The following FANK1 variants were observed in gnomAD, a reference collection of about 807,000 sequenced individuals.
FANK1 encodes fibronectin type III and ankyrin repeat domains 1, also known as fibronectin type 3 and ankyrin repeat domains protein 1.
A neutral mutation model predicts 45.3 loss-of-function variants in FANK1; 44 were observed. The observed-to-expected ratio is 0.97, with a 90% CI of 0.76 to 1.25. The LOEUF (loss-of-function observed/expected upper bound fraction) is 1.25. FANK1 is among the 50% of genes most tolerant of loss of function. The probability of loss-of-function intolerance (pLI) is 0.00; values close to 1 mark genes in which losing one functional copy is unlikely to be tolerated. For missense variants in FANK1, 391 were observed against 424.4 expected, an observed-to-expected ratio of 0.92 and a Z score of 0.69; for synonymous variants, 149 against 152.5, an observed-to-expected ratio of 0.98 and a Z score of 0.17.
chr10:125,938,182 C>A (rs1229699142), intron 1 of FANK1, among the ~76,000 whole-genome samples: 1 of 152,026 alleles, frequency 6.6e-6, no homozygotes, highest in African/African-American at 2.4e-5. Flanking sequence ...TATATCGATG[C>A]TTTTGGAAAA....
intron 1 of FANK1, among the ~76,000 whole-genome samples, chr10:125,927,538 G>A (rs1379645050): frequency 6.6e-6 from 1 of 151,804 alleles, no homozygotes; most frequent in Non-Finnish European, 1.5e-5. Flanking sequence ...TCCATTATGA[G>A]TAATGCCATT....
chr10:125,958,824 T>C (rs534173970), intron 1 of FANK1, among the ~76,000 whole-genome samples: 72 of 152,300 alleles, frequency 4.7e-4, no homozygotes, highest in Non-Finnish European at 7.9e-4. Context: ...ATATTTAAGT[T>C]GCATAGTTTG....
chr10:125,969,272 A>G (rs982379780), intron 1 of FANK1, among the ~76,000 whole-genome samples: 1 of 152,106 alleles, frequency 6.6e-6, no homozygotes, highest in African/African-American at 2.4e-5. Flanking sequence ...CAAAATCTTT[A>G]GAAAAGTTAA....
intron 1 of FANK1, among the ~76,000 whole-genome samples, chr10:125,923,429 C>T (rs915992088): frequency 6.6e-6 from 1 of 151,802 alleles, no homozygotes; most frequent in Non-Finnish European, 1.5e-5. Flanking sequence ...CCACTGCACT[C>T]CAGCCTGGGC....
At chr10:125,987,826 C>T (rs781137837) in intron 2 of FANK1, among the ~76,000 whole-genome samples, 36 of 151,484 alleles carry the variant, frequency 2.4e-4, no homozygotes, top group Non-Finnish European at 5.3e-4. Flanking sequence ...CGCTAGGTCC[C>T]AGCATCTTCT....
chr10:125,994,872 C>A, intron 3 of FANK1: 1 of 985,392 alleles, frequency 1.0e-6, no homozygotes, highest in Non-Finnish European at 1.2e-6. Flanking sequence ...AGCTCTCTCC[C>A]CTAATTGGCT....
At chr10:125,961,932 G>C (rs146389776) in intron 1 of FANK1, among the ~76,000 whole-genome samples, 1 of 152,140 alleles carries the variant, frequency 6.6e-6, no homozygotes, top group Non-Finnish European at 1.5e-5. Flanking sequence ...TGATAGAGCA[G>C]AAGCTTGCCT....
At chr10:125,951,150 G>A (rs955005033) in intron 1 of FANK1, among the ~76,000 whole-genome samples, 1 of 148,832 alleles carries the variant, frequency 6.7e-6, no homozygotes, top group African/African-American at 2.5e-5. Flanking sequence ...GCTAGATGAC[G>A]AGTTAGTGGG....
chr10:125,988,673 C>T lies in FANK1; in HGVS notation c.314C>T (p.Thr105Ile). ...AGCCCACTCGTCTCAGTGTCTACAA[C>T]CAGTGAGTATTCAGACCGTCCACAC... ...EYSPLVSVST[T>I]REPISSEHLH... Residue 105 changes from threonine (T) to isoleucine (I), a missense_variant and splice_region_variant, in exon 3 of 11, where the codon ACC (threonine) becomes ATC (isoleucine). Transcript: ENST00000368693. The T allele has an allele frequency of 1.9e-6, 3 of 1,614,178 alleles. No individual in the cohort carries two copies. Among genetic ancestry groups the T allele is most frequent in the Non-Finnish European group, 2.5e-6 (3 of 1,180,026 alleles).
chr10:125,938,880 A>G lies in FANK1; in HGVS notation c.14-41281A>G, dbSNP rs73368644. 4.8e-3 allele frequency among the ~76,000 whole-genome samples: 724 copies of G among 152,270 alleles called. 8 individuals are homozygous for G. The highest frequency in any genetic ancestry group is 0.016 in the African/African-American group (657 of 41,540). Reference sequence around the variant, plus strand: ...ACAGAACCAGCTTGAAGGGTCTCCCACTAGCCAAATTTGGAAGCATTTGAG... The same window carrying G: ...ACAGAACCAGCTTGAAGGGTCTCCCGCTAGCCAAATTTGGAAGCATTTGAG... On this transcript the variant is annotated intron_variant, in intron 1 of 10. Transcript: ENST00000368693.
intron 2 of FANK1, among the ~76,000 whole-genome samples, chr10:125,982,751 G>C (rs946890876): frequency 6.6e-6 from 1 of 152,138 alleles, no homozygotes; most frequent in Non-Finnish European, 1.5e-5. Flanking sequence ...CTCATAGCCA[G>C]TCAGTTACTG....
intron 1 of FANK1, among the ~76,000 whole-genome samples, chr10:125,963,689 A>G (rs1485475434): frequency 6.6e-6 from 1 of 152,192 alleles, no homozygotes; most frequent in African/African-American, 2.4e-5. Context: ...TGGGAATTGA[A>G]CAGTGAGAAC....
At chr10:125,984,411 G>C (rs1048030523) in intron 2 of FANK1, among the ~76,000 whole-genome samples, 3 of 152,208 alleles carry the variant, frequency 2.0e-5, no homozygotes, top group African/African-American at 7.2e-5. Flanking sequence ...CGGGGAGGTA[G>C]ATAGAATCCT....
chr10:125,966,214 G>A (rs570727486), intron 1 of FANK1, among the ~76,000 whole-genome samples: 5 of 152,206 alleles, frequency 3.3e-5, no homozygotes, highest in South Asian at 2.1e-4. Context: ...TTGCACTTAC[G>A]TTACTTACTT....
intron 1 of FANK1, among the ~76,000 whole-genome samples, chr10:125,900,597 G>A (rs1217187298): frequency 6.6e-6 from 1 of 152,008 alleles, no homozygotes; most frequent in East Asian, 1.9e-4. Context: ...AATCCAGCAG[G>A]CAGCAGTTTT....
At chr10:125,935,009 G>A (rs1306867474) in intron 1 of FANK1, among the ~76,000 whole-genome samples, 2 of 152,020 alleles carry the variant, frequency 1.3e-5, no homozygotes, top group African/African-American at 4.8e-5. Flanking sequence ...CAGGGTGGAG[G>A]CTATGCTGTG....
chr10:125,925,597 A>G (rs1193837891), intron 1 of FANK1, among the ~76,000 whole-genome samples: 1 of 152,144 alleles, frequency 6.6e-6, no homozygotes, highest in Non-Finnish European at 1.5e-5. Flanking sequence ...GAGTTTGGCT[A>G]TATTGCCAAG....
chr10:125,979,611 G>GC (rs1408239414), intron 1 of FANK1, among the ~76,000 whole-genome samples: 1 of 152,228 alleles, frequency 6.6e-6, no homozygotes, highest in Admixed American at 6.5e-5. Flanking sequence ...ACTAGGGGAT[G>GC]ATATGAGCAT....
chr10:125,969,390 C>G (rs1423185295), intron 1 of FANK1, among the ~76,000 whole-genome samples: 1 of 150,184 alleles, frequency 6.7e-6, no homozygotes, highest in Non-Finnish European at 1.5e-5. Context: ...CTGAGACTTA[C>G]TTATGACCAA....
Sources: allele counts gnomAD v4.1 joint callset (sites outside exome capture counted in the v4.1 genomes callset), GRCh38; gene constraint gnomAD v4.1.1; transcripts MANE v1.5; gene names NCBI Gene and HGNC (gene_info 2026-07-23, HGNC 2026-07-21).